Variants in WARS1 observed in about 807,000 individuals in gnomAD.
WARS1 encodes the protein tryptophanyl-tRNA synthetase 1.
WARS1 carries 17 observed loss-of-function variants against 47.8 expected under a neutral mutation model. The ratio of observed to expected loss-of-function variants is 0.36; its 90% CI spans 0.24 to 0.53. The LOEUF (loss-of-function observed/expected upper bound fraction) is 0.53, where lower values mean the gene tolerates loss of function less well. WARS1 is among the 20% of genes least tolerant of loss of function. The probability of loss-of-function intolerance (pLI) is 0.91; values close to 1 mark genes in which losing one functional copy is unlikely to be tolerated. For missense variants in WARS1, 434 were observed against 608.0 expected (o/e 0.71, Z 3.01); for synonymous variants, 208 against 228.1 (o/e 0.91, Z 0.79).
At chr14:100,344,352 C>G (rs1421339879) in intron 7 of WARS1, among the ~76,000 whole-genome samples, 2 of 152,186 alleles carry the variant, frequency 1.3e-5, no homozygotes, top group Non-Finnish European at 1.5e-5. Flanking sequence ...CCTGAGGTGC[C>G]GGGATTGCAG....
intron 2 of WARS1, among the ~76,000 whole-genome samples, chr14:100,363,456 G>A (rs1895772466): frequency 6.6e-6 from 1 of 152,058 alleles, no homozygotes; most frequent in African/African-American, 2.4e-5. Context: ...AGCACTTTGG[G>A]AGGCCAAGGC....
At chr14:100,347,576 GCTT>G (rs938066417) in intron 6 of WARS1, among the ~76,000 whole-genome samples, 2 of 152,048 alleles carry the variant, frequency 1.3e-5, no homozygotes, top group African/African-American at 2.4e-5. Context: ...ACCCAGAGTG[GCTT>G]CTTTTTTTTT....
chr14:100,370,676 G>C (rs959835784), intron 1 of WARS1: 4 of 152,078 alleles, frequency 2.6e-5, no homozygotes, highest in Non-Finnish European at 4.4e-5. Flanking sequence ...CCATTTTATA[G>C]ATGAGGCACA....
intron 2 of WARS1, among the ~76,000 whole-genome samples, chr14:100,365,124 T>TACACACACACACACACACAC (rs59205319): frequency 4.4e-5 from 6 of 137,768 alleles, no homozygotes; most frequent in South Asian, 2.4e-4. Flanking sequence ...TCTCAAAAAA[T>TACACACACACACACACACAC]ACACACACAC....
Position 100,336,993 on chromosome 14 carries a change from C to T in WARS1, c.1254+69G>A. 4 of 1,571,232 alleles carry T rather than the reference C, an allele frequency of 2.5e-6. No homozygotes were observed. The South Asian group carries it at 4.5e-5, about 18-fold the overall frequency. The stretch of plus-strand genomic sequence containing the variant: ...AAGCCTTCATGCCTGGCTGTTGGAG[C>T]CTTCCAGGCCCCATGGGCAGGAGTG... On this transcript the variant is annotated intron_variant, in intron 10 of 10. Coordinates refer to ENST00000392882, the MANE Select transcript of WARS1 (RefSeq NM_004184.4).
At chr14:100,336,721 T>G (rs1359390473) in intron 10 of WARS1, 1 of 194,080 alleles carries the variant, frequency 5.2e-6, no homozygotes, top group African/African-American at 2.3e-5. Context: ...TCATAATCAC[T>G]GAAAATAGTC....
At chr14:100,354,400 C>G in intron 5 of WARS1, 47 bp downstream of exon 5, 1 of 1,589,162 alleles carries the variant, frequency 6.3e-7, no homozygotes, top group Non-Finnish European at 8.6e-7. Flanking sequence ...AAGCAACATT[C>G]TCAATTCACT....
At chr14:100,360,689 T>A in intron 3 of WARS1, 27 bp from the exon 4 acceptor site, 1 of 1,564,146 alleles carries the variant, frequency 6.4e-7, no homozygotes, top group South Asian at 1.1e-5. Context: ...GATGACTTTC[T>A]TAGGTGGCAG....
Position 100,342,183 on chromosome 14 carries a change from T to C in WARS1, c.1113+215A>G, listed in dbSNP as rs1307859789. On this transcript the variant is annotated intron_variant, in intron 9 of 10. Transcript: ENST00000392882. ...AAAAAAATTCAAAATTTTACCTAAA[T>C]GAAAGGACACAAAACAAATTCACCT... The C allele has an allele frequency of 6.2e-6, 4 of 643,926 alleles. No homozygotes were observed. The South Asian group carries it at 6.7e-5, about 11-fold the overall frequency. 39.9% of individuals were successfully genotyped at this position (643,926 alleles called of 1,614,324 possible).
At chr14:100,366,033 C>A (rs1380753398) in intron 2 of WARS1, 2 of 455,872 alleles carry the variant, frequency 4.4e-6, no homozygotes, top group African/African-American at 2.0e-5. Flanking sequence ...TTGAGAATCC[C>A]TCTCCCCTCG....
intron 6 of WARS1, among the ~76,000 whole-genome samples, chr14:100,350,400 A>AAAAAG (rs1894897245): frequency 4.0e-4 from 2 of 4,978 alleles, no homozygotes; most frequent in Admixed American, 2.7e-3. Context: ...TCAAAAAAAG[A>AAAAAG]AAAAAAAAAA....
chr14:100,373,616 A>G lies in WARS1; in HGVS notation c.-74+1667T>C, dbSNP rs1387343861. 6.6e-6 allele frequency among the ~76,000 whole-genome samples: 1 copy of G among 152,236 alleles called. No individual in the cohort carries two copies. Among genetic ancestry groups the G allele is most frequent in the East Asian group, 1.9e-4 (1 of 5,202 alleles). On this transcript the variant is annotated intron_variant, in intron 1 of 10. Transcript: ENST00000392882. This position sits in a 1 kb window ranked among gnomAD's most constrained non-coding sequence, Gnocchi z 4.4. ...AGGACAGCCAATCTCCCACTGCAAT[A>G]GAATAGATAACTGTTTCTTTGCTAG...
intron 7 of WARS1, 106 bp from the exon 8 acceptor site, chr14:100,343,493 T>C (rs1441505116): frequency 6.6e-6 from 5 of 752,098 alleles, no homozygotes; most frequent in Middle Eastern, 2.5e-4. Context: ...AAACAATCAT[T>C]AAAATAAATC....
rs749981930 is a variant in WARS1, at chr14:100,346,747, A to C, written c.825T>G (p.Ile275Met). The change falls in exon 7 of 11, where the codon ATT becomes ATG. Residue 275 changes from isoleucine (I) to methionine (M), a missense_variant and splice_region_variant. By Grantham distance (10) the Ile-to-Met change is conservative (BLOSUM62 1). Around this residue, in one of 2 missense-constraint regions of WARS1, gnomAD observed 347 missense variants for 523.8 expected, o/e 0.66. Coordinates refer to ENST00000392882, the MANE Select transcript of WARS1 (RefSeq NM_004184.4). ...GIFGFTDSDC[I>M]GKISFPAIQA... ...CCACAGCAGCAGTGGGCCTCTTACC[A>C]ATGCAGTCGCTGTCAGTGAAGCCGA... The C allele has an allele frequency of 5.6e-6, 9 of 1,613,700 alleles. No homozygotes were observed. In the Admixed American group the frequency reaches 1.5e-4, roughly 27 times the overall value.
chr14:100,353,619 G>T, intron 6 of WARS1, 68 bp downstream of exon 6: 1 of 1,549,382 alleles, frequency 6.5e-7, no homozygotes, highest in Non-Finnish European at 8.8e-7. Context: ...TTCGAATTTA[G>T]CTGTGGTCAT....
At chr14:100,368,235 A>G (rs933404044) in intron 2 of WARS1, 1 of 343,548 alleles carries the variant, frequency 2.9e-6, no homozygotes, top group African/African-American at 2.1e-5. Context: ...AAGTCAAGCA[A>G]ACAGATATTA....
At chr14:100,371,565 T>G (rs1286891016) in intron 1 of WARS1, among the ~76,000 whole-genome samples, 1 of 150,980 alleles carries the variant, frequency 6.6e-6, no homozygotes, top group Admixed American at 6.6e-5. Flanking sequence ...TGAAACCCCA[T>G]CTTCACTAAA....
At chr14:100,362,174 T>C (rs1164881156) in intron 2 of WARS1, among the ~76,000 whole-genome samples, 1 of 152,208 alleles carries the variant, frequency 6.6e-6, no homozygotes, top group Non-Finnish European at 1.5e-5. Context: ...TTTTATCTGT[T>C]ATTCTAGTGC....
At chr14:100,363,651 T>C (rs902672126) in intron 2 of WARS1, among the ~76,000 whole-genome samples, 2 of 152,068 alleles carry the variant, frequency 1.3e-5, no homozygotes, top group Non-Finnish European at 2.9e-5. Context: ...GAGCCGAGAT[T>C]GCACCACTGC....
Sources: allele counts gnomAD v4.1 joint callset (sites outside exome capture counted in the v4.1 genomes callset), GRCh38; gene constraint gnomAD v4.1.1; regional missense constraint gnomAD v4.1.1; non-coding constraint Gnocchi (gnomAD v3.1); transcripts MANE v1.5; gene names NCBI Gene and HGNC (gene_info 2026-07-23, HGNC 2026-07-21).